COL5A3: variants seen among roughly 807,000 people sequenced by gnomAD.
The protein encoded by COL5A3 is collagen type V alpha 3 chain.
COL5A3 carries 172 observed loss-of-function variants against 250.0 expected under a neutral mutation model. The ratio of observed to expected loss-of-function variants is 0.69; its 90% confidence interval spans 0.61 to 0.78. COL5A3 has a LOEUF of 0.78. COL5A3 is among the 30% of genes least tolerant of loss of function. COL5A3 has a pLI of 0.00. For synonymous variants in COL5A3, 937 were observed against 900.4 expected (o/e 1.04, Z -0.73); for missense variants, 2,340 against 2,334.4 (o/e 1.00, Z -0.05).
At chr19:9,998,463 A>G (rs112064858) in intron 8 of COL5A3, among the ~76,000 whole-genome samples, 6,222 of 152,194 alleles carry the variant, frequency 0.041, 410 homozygotes, top group African/African-American at 0.14. Flanking sequence ...CCCTATGGCC[A>G]CTTACAGGTA....
At chr19:9,994,388 T>A (rs182386835) in intron 16 of COL5A3, among the ~76,000 whole-genome samples, 24 of 150,804 alleles carry the variant, frequency 1.6e-4, no homozygotes, top group African/African-American at 5.6e-4. Flanking sequence ...TTTGCCATGT[T>A]GCACAAGCTG....
At chr19:10,006,020 G>T (rs1183586638) in intron 2 of COL5A3, 35 bp from the exon 3 acceptor site, 2 of 1,610,774 alleles carry the variant, frequency 1.2e-6, no homozygotes, top group Non-Finnish European at 1.7e-6. Flanking sequence ...AGCTCAGAGG[G>T]CCCAGCAGTG....
chr19:9,972,070 C>T (rs2086855519), intron 51 of COL5A3, among the ~76,000 whole-genome samples: 1 of 152,228 alleles, frequency 6.6e-6, no homozygotes, highest in Non-Finnish European at 1.5e-5. Flanking sequence ...TTCATGCATC[C>T]ATTCACTCAT....
rs140286940 is a variant in COL5A3 at position 9,997,385 on chromosome 19, C to G, written c.1249G>C (p.Asp417His). The change falls in exon 11 of 67, where the codon GAC becomes CAC. Residue 417 changes from aspartate to histidine, a missense_variant. Asp to His is a moderately conservative substitution (Grantham distance 81, BLOSUM62 -1). Transcript: ENST00000264828. The part of the protein sequence containing the change: ...GPPGPPGFPG[D>H]PGPPGPAGLP... ...GAGTCTCTTACCGGTGGACCAGGGTCGCCAGGGAATCCTGGGGGGCCGGGA... is the reference window on the plus strand; with the variant it reads ...GAGTCTCTTACCGGTGGACCAGGGTGGCCAGGGAATCCTGGGGGGCCGGGA... The G allele has an allele frequency of 1.1e-4, 183 of 1,609,722 alleles. No homozygotes were observed. In the African/African-American group the frequency reaches 2.3e-3, roughly 20 times the overall value.
intron 16 of COL5A3, among the ~76,000 whole-genome samples, 193 bp from the exon 17 acceptor site, chr19:9,993,999 G>A (rs1361422302): frequency 6.6e-6 from 1 of 151,778 alleles, no homozygotes; most frequent in African/African-American, 2.4e-5. Context: ...GGGACCACAG[G>A]TGCATGCCAC....
At chr19:9,978,136 C>T (rs1449928345) in intron 41 of COL5A3, among the ~76,000 whole-genome samples, 2 of 151,514 alleles carry the variant, frequency 1.3e-5, no homozygotes, top group Admixed American at 6.6e-5. Context: ...ATGTTGATGG[C>T]CAATGCACAG....
chr19:9,968,616 AGGGAG>A lies in COL5A3; in HGVS notation c.4206+54_4206+58del. The A allele has an allele frequency of 3.2e-6, 5 of 1,578,414 alleles. No individual in the cohort carries two copies. The highest frequency in any genetic ancestry group is 4.3e-6 in the Non-Finnish European group (5 of 1,149,920). ...GCACCAATCTCCCAGCCCCCCAGCC[AGGGAG>A]GGAGGGAAAGAGGGGAGGAGATGGG... On this transcript the variant is annotated intron_variant, in intron 58 of 66. Coordinates refer to ENST00000264828, the MANE Select transcript of COL5A3 (RefSeq NM_015719.4). This position sits in a 1 kb window ranked among gnomAD's most constrained non-coding sequence, Gnocchi z 4.1.
intron 8 of COL5A3, among the ~76,000 whole-genome samples, chr19:9,999,006 T>TTTTA (rs2087312811): frequency 7.7e-6 from 1 of 129,124 alleles, no homozygotes; most frequent in African/African-American, 2.8e-5. Flanking sequence ...CCTTTCTTTC[T>TTTTA]TTTCTTTCTT....
chr19:9,992,929 G>A, intron 20 of COL5A3, 49 bp from the exon 21 acceptor site: 13 of 1,609,136 alleles, frequency 8.1e-6, no homozygotes, highest in Non-Finnish European at 1.1e-5. Context: ...GTGTGGCCAT[G>A]TGAGCTCTAG....
chr19:9,993,749 C>T lies in COL5A3; in HGVS notation c.1641+4G>A, dbSNP rs753596208. ...CAAGTCTTATCTCAGCCCCCATCACCTACCTTAGGTCCAGTGTCCCCTGGG... is the reference window on the plus strand; with the variant it reads ...CAAGTCTTATCTCAGCCCCCATCACTTACCTTAGGTCCAGTGTCCCCTGGG... On this transcript the variant is annotated splice_donor_region_variant and intron_variant, in intron 17 of 66. Coordinates refer to ENST00000264828, the MANE Select transcript of COL5A3 (RefSeq NM_015719.4). 2 of 1,614,180 alleles carry T rather than the reference C, an allele frequency of 1.2e-6. No individual in the cohort carries two copies. Among genetic ancestry groups the T allele is most frequent in the Non-Finnish European group, 1.7e-6 (2 of 1,180,010 alleles).
Position 10,008,734 on chromosome 19 carries a change from T to G in COL5A3, c.88+1564A>C, listed in dbSNP as rs141671841. The stretch of plus-strand genomic sequence containing the variant: ...AAATATTTGGCTTCTAATGGAGGGA[T>G]TAGATACACTTGCTTGACGTGTGGC... On this transcript the variant is annotated intron_variant, in intron 1 of 66. Coordinates refer to ENST00000264828, the MANE Select transcript of COL5A3 (RefSeq NM_015719.4). 1.9e-3 allele frequency among the ~76,000 whole-genome samples: 296 copies of G among 152,292 alleles called. 3 individuals carry two copies. Among genetic ancestry groups the G allele is most frequent in the African/African-American group, 6.9e-3 (286 of 41,542 alleles).
At chr19:10,001,976 G>A (rs2087370512) in intron 6 of COL5A3, 95 bp from the exon 7 acceptor site, 4 of 830,664 alleles carry the variant, frequency 4.8e-6, no homozygotes, top group East Asian at 2.5e-5. Flanking sequence ...CTCCCAGTCC[G>A]GGGACAGGGA....
chr19:9,996,971 A>G, intron 11 of COL5A3: 1 of 531,516 alleles, frequency 1.9e-6, no homozygotes, highest in Non-Finnish European at 3.3e-6. Flanking sequence ...AGAGACAGAG[A>G]GAGATAGACA....
rs940688498 is a variant in COL5A3, at chr19:9,986,496, C to T, written c.2244+57G>A. ...TCTGTCTAGCCCCAGCTCATCCCCT[C>T]CCTATCTTCCCCGAGCCCCCAGACC... On this transcript the variant is annotated intron_variant, in intron 29 of 66. Coordinates refer to ENST00000264828, the MANE Select transcript of COL5A3 (RefSeq NM_015719.4). 1.3e-5 allele frequency: 20 copies of T among 1,575,720 alleles called. No individual in the cohort carries two copies. In the African/African-American group the frequency reaches 2.0e-4, roughly 16 times the overall value.
At chr19:9,987,859 C>A (rs558903128) in intron 27 of COL5A3, among the ~76,000 whole-genome samples, 1 of 151,802 alleles carries the variant, frequency 6.6e-6, no homozygotes, top group African/African-American at 2.4e-5. Flanking sequence ...TACTTGAGCA[C>A]GGGAGTTCAA....
At chr19:9,970,419 G>GTGAGTGGGGTCTGTGGGGTAAGCAGGGA in intron 54 of COL5A3, among the ~76,000 whole-genome samples, 2 of 40,460 alleles carry the variant, frequency 4.9e-5, no homozygotes, top group Admixed American at 3.9e-4. Flanking sequence ...GTGAGTGGGG[G>GTGAGTGGGGTCTGTGGGGTAAGCAGGGA]CTGTAAGGTG....
In COL5A3 at chr19:9,959,571, C is replaced by T. The variant is rs2086644096; in HGVS notation, c.*840G>A. The stretch of plus-strand genomic sequence containing the variant: ...ACACAGAGACAGAAACACAGTTCAT[C>T]AGTTTATTCTCAGATTTGAGATGCA... On this transcript the variant is annotated 3_prime_UTR_variant, in exon 67 of 67. Coordinates refer to ENST00000264828, the MANE Select transcript of COL5A3 (RefSeq NM_015719.4). 6.6e-6 allele frequency: 1 copy of T among 152,610 alleles called. No individual in the cohort carries two copies. The highest frequency in any genetic ancestry group is 6.5e-5 in the Admixed American group (1 of 15,276). 9.5% of individuals were successfully genotyped at this position (152,610 alleles called of 1,614,324 possible). A position where few individuals can be genotyped will look rare whatever the true frequency, so the allele number is the denominator to read the frequency against.
intron 16 of COL5A3, among the ~76,000 whole-genome samples, 159 bp downstream of exon 16, chr19:9,995,405 G>A (rs562140843): frequency 4.4e-4 from 67 of 152,304 alleles, no homozygotes; most frequent in African/African-American, 1.4e-3. Flanking sequence ...CGGCCTGGCC[G>A]GATTCCTTTG....
Position 9,962,816 on chromosome 19 carries a change from C to T in COL5A3, c.4851+3G>A, listed in dbSNP as rs1038330430. The T allele has an allele frequency of 1.2e-6, 2 of 1,608,628 alleles. No homozygotes were observed. The highest frequency in any genetic ancestry group is 1.3e-5 in the African/African-American group (1 of 74,838). On this transcript the variant is annotated splice_donor_region_variant and intron_variant, in intron 65 of 66. Coordinates refer to ENST00000264828, the MANE Select transcript of COL5A3 (RefSeq NM_015719.4). ...ACTCCCCATCTCGGCCTCGGTGACT[C>T]ACCTTCTTCCCTCGACGGAATGTGC...
Sources: gnomAD v4.1 joint callset for allele counts (sites outside exome capture counted in the v4.1 genomes callset) on GRCh38, gnomAD v4.1.1 for gene constraint, Gnocchi (gnomAD v3.1) non-coding constraint, MANE v1.5 for transcripts, NCBI Gene and HGNC (gene_info 2026-07-23, HGNC 2026-07-21) for gene names.